The following DAB1 variants were observed in gnomAD, a reference collection of about 807,000 sequenced individuals.
DAB1 encodes the protein DAB adaptor protein 1.
A neutral mutation model predicts 64.6 loss-of-function variants in DAB1; 15 were observed. The ratio of observed to expected loss-of-function variants is 0.23; its 90% CI spans 0.16 to 0.36. The LOEUF is 0.36. Among genes scored for constraint, DAB1 ranks in the 10% least tolerant of loss-of-function variants. The probability of loss-of-function intolerance (pLI) is 1.00; values close to 1 mark genes in which losing one functional copy is unlikely to be tolerated. For missense variants in DAB1, 596 were observed against 706.7 expected, an observed-to-expected ratio of 0.84 and a Z score of 1.78; for synonymous variants, 235 against 251.9, an observed-to-expected ratio of 0.93 and a Z score of 0.64.
At chr1:57,080,278 G>T (rs1057044411) in intron 4 of DAB1, among the ~76,000 whole-genome samples, 1 of 151,996 alleles carries the variant, frequency 6.6e-6, no homozygotes, top group Admixed American at 6.6e-5. Flanking sequence ...CTATAAATTT[G>T]TCAGTAAACA....
chr1:57,314,879 A>G (rs1378821942), intron 1 of DAB1, among the ~76,000 whole-genome samples: 6 of 152,154 alleles, frequency 3.9e-5, no homozygotes, highest in African/African-American at 1.4e-4. Context: ...GAGAGGATGG[A>G]TCCATGGTTA....
chr1:58,528,710 C>T (rs1057327943), intron 1 of DAB1, among the ~76,000 whole-genome samples: 1 of 152,116 alleles, frequency 6.6e-6, no homozygotes, highest in Non-Finnish European at 1.5e-5. Flanking sequence ...ATGTGTCATT[C>T]GGTCCTCACA....
intron 1 of DAB1, among the ~76,000 whole-genome samples, chr1:57,304,253 AACTC>A (rs1465582266): frequency 1.3e-5 from 2 of 152,074 alleles, no homozygotes; most frequent in African/African-American, 4.8e-5. Context: ...ATATCCTGAG[AACTC>A]ACTCACTATT....
chr1:57,654,095 A>G (rs1438178991), intron 6 of DAB1, among the ~76,000 whole-genome samples: 1 of 152,246 alleles, frequency 6.6e-6, no homozygotes, highest in Non-Finnish European at 1.5e-5. Flanking sequence ...GTGAGATAGA[A>G]CATTCTTTTG....
intron 5 of DAB1, among the ~76,000 whole-genome samples, chr1:58,075,332 A>T (rs933438461): frequency 2.0e-5 from 3 of 152,228 alleles, no homozygotes; most frequent in Non-Finnish European, 2.9e-5. Context: ...CCCGTGAAAG[A>T]TAAGTGTGGT....
At chr1:57,152,181 T>G (rs202125625) in intron 2 of DAB1, among the ~76,000 whole-genome samples, 2 of 152,190 alleles carry the variant, frequency 1.3e-5, no homozygotes, top group Non-Finnish European at 2.9e-5. Context: ...TTTGTGGCTG[T>G]CTGGGTGAGC....
chr1:57,013,303 G>A (rs1646321290), intron 12 of DAB1, among the ~76,000 whole-genome samples: 1 of 152,214 alleles, frequency 6.6e-6, no homozygotes, highest in South Asian at 2.1e-4. Context: ...GAATGATGGA[G>A]CCAGTTCCTG....
intron 5 of DAB1, among the ~76,000 whole-genome samples, chr1:58,124,313 T>A (rs1652931516): frequency 6.6e-6 from 1 of 152,102 alleles, no homozygotes; most frequent in Non-Finnish European, 1.5e-5. Flanking sequence ...TAAATAGTTA[T>A]TATTAGAAAA....
intron 1 of DAB1, among the ~76,000 whole-genome samples, chr1:57,410,091 G>A (rs910304614): frequency 3.9e-5 from 6 of 152,018 alleles, no homozygotes; most frequent in African/African-American, 1.4e-4. Context: ...GGGTAAAAAG[G>A]AAAGAAAGGA....
At chr1:57,268,021 C>T (rs966258088) in intron 2 of DAB1, among the ~76,000 whole-genome samples, 13 of 152,134 alleles carry the variant, frequency 8.5e-5, no homozygotes, top group Admixed American at 3.3e-4. Flanking sequence ...ATATTTGATT[C>T]CTAATCCATA....
chr1:57,286,543 T>A lies in DAB1; in HGVS notation c.67+4421A>T, dbSNP rs111658010. Among the ~76,000 whole-genome samples the A allele has an allele frequency of 5.4e-4, 82 of 152,332 alleles. 1 individual carries two copies. Among genetic ancestry groups the A allele is most frequent in the African/African-American group, 2.0e-3 (82 of 41,584 alleles). ...TAGTAGTTATTTTTGTTTTACGGAA[T>A]TATGCATGGTTACTTTGTCCTTTCT... On this transcript the variant is annotated intron_variant, in intron 2 of 14. Coordinates refer to ENST00000371236, the MANE Select transcript of DAB1 (RefSeq NM_001365792.1).
intron 3 of DAB1, among the ~76,000 whole-genome samples, chr1:58,438,261 CT>C (rs1644967232): frequency 6.6e-6 from 1 of 152,164 alleles, no homozygotes; most frequent in South Asian, 2.1e-4. Context: ...TACATAATTA[CT>C]TACAATTTGC....
chr1:57,415,282 T>C (rs166553), intron 1 of DAB1, among the ~76,000 whole-genome samples: 4,729 of 83,694 alleles, frequency 0.057, 112 homozygotes, highest in African/African-American at 0.12. Flanking sequence ...CACACACACA[T>C]ATATGCACAC....
chr1:58,211,227 G>A (rs1399233638), intron 4 of DAB1, among the ~76,000 whole-genome samples: 1 of 152,100 alleles, frequency 6.6e-6, no homozygotes, highest in Non-Finnish European at 1.5e-5. Context: ...TATCTCCACT[G>A]TCTGACACAG....
At chr1:58,175,096 T>C (rs888397252) in intron 4 of DAB1, among the ~76,000 whole-genome samples, 1 of 152,220 alleles carries the variant, frequency 6.6e-6, no homozygotes, top group African/African-American at 2.4e-5. Flanking sequence ...CTTTGTTCTT[T>C]CACTCTTCAC....
chr1:57,058,819 C>T (rs771195408), intron 9 of DAB1, among the ~76,000 whole-genome samples: 2 of 152,242 alleles, frequency 1.3e-5, no homozygotes, highest in Non-Finnish European at 2.9e-5. Context: ...GTTACTACCA[C>T]AGTCCTCAGC....
intron 3 of DAB1, among the ~76,000 whole-genome samples, chr1:58,481,812 T>A (rs1418739575): frequency 6.6e-6 from 1 of 152,188 alleles, no homozygotes; most frequent in Non-Finnish European, 1.5e-5. Context: ...CCCCTGCATA[T>A]GCTCTCTTGA....
At chr1:57,748,617 G>A (rs975753543) in intron 6 of DAB1, among the ~76,000 whole-genome samples, 1 of 152,180 alleles carries the variant, frequency 6.6e-6, no homozygotes, top group African/African-American at 2.4e-5. Context: ...CTGAAATTTA[G>A]ATTTAAATTT....
At chr1:57,815,061 G>GT (rs961960806) in intron 6 of DAB1, among the ~76,000 whole-genome samples, 28 of 151,328 alleles carry the variant, frequency 1.9e-4, no homozygotes, top group South Asian at 2.1e-4. Flanking sequence ...TCTTCTTTTT[G>GT]TTTTTTTTGT....
Sources: gnomAD v4.1 joint callset for allele counts (sites outside exome capture counted in the v4.1 genomes callset) on GRCh38, gnomAD v4.1.1 for gene constraint, MANE v1.5 for transcripts, NCBI Gene and HGNC (gene_info 2026-07-23, HGNC 2026-07-21) for gene names.